The following NRXN1 variants were observed in gnomAD, a reference collection of about 807,000 sequenced individuals.
The protein encoded by NRXN1 is neurexin 1.
Under a neutral mutation model 150.9 loss-of-function variants are expected in NRXN1, and 39 were observed. The ratio of observed to expected loss-of-function variants is 0.26; its 90% confidence interval spans 0.20 to 0.34. The LOEUF (loss-of-function observed/expected upper bound fraction) is 0.34, where lower values mean the gene tolerates loss of function less well. NRXN1 is among the 10% of genes least tolerant of loss of function. The pLI is 1.00. For missense variants in NRXN1, 1,815 were observed against 1,949.9 expected (o/e 0.93, Z 1.30); for synonymous variants, 924 against 757.0 (o/e 1.22, Z -3.62).
chr2:50,935,491 T>G (rs1688396513), intron 2 of NRXN1, among the ~76,000 whole-genome samples: 1 of 152,100 alleles, frequency 6.6e-6, no homozygotes, highest in African/African-American at 2.4e-5. Flanking sequence ...TCTCAGCACT[T>G]CGGGAGGCCA....
At chr2:50,240,946 G>C (rs985680340) in intron 17 of NRXN1, among the ~76,000 whole-genome samples, 6 of 151,566 alleles carry the variant, frequency 4.0e-5, no homozygotes, top group African/African-American at 1.2e-4. Flanking sequence ...TAATATGAAA[G>C]CCTTCAGAAA....
chr2:50,432,470 G>C (rs1287433439), intron 17 of NRXN1: 1 of 152,172 alleles, frequency 6.6e-6, no homozygotes, highest in African/African-American at 2.4e-5. Context: ...GCCCTCCACA[G>C]ATGCTAGTTG....
intron 2 of NRXN1, among the ~76,000 whole-genome samples, chr2:50,937,203 T>C (rs968976859): frequency 6.6e-6 from 1 of 152,198 alleles, no homozygotes; most frequent in African/African-American, 2.4e-5. Flanking sequence ...CTAATACGTA[T>C]TTAATGATGT....
intron 18 of NRXN1, among the ~76,000 whole-genome samples, chr2:50,236,188 G>C (rs2065398549): frequency 6.6e-6 from 1 of 152,040 alleles, no homozygotes; most frequent in African/African-American, 2.4e-5. Flanking sequence ...CAACTTTAGA[G>C]AAAAGAGAAT....
At chr2:50,461,677 C>G (rs1391665697) in intron 17 of NRXN1, among the ~76,000 whole-genome samples, 3 of 151,842 alleles carry the variant, frequency 2.0e-5, no homozygotes, top group Non-Finnish European at 4.4e-5. Context: ...TGGTTACATC[C>G]AAGAGAAATT....
At chr2:50,851,220 C>A (rs1674471207) in intron 5 of NRXN1, among the ~76,000 whole-genome samples, 1 of 151,952 alleles carries the variant, frequency 6.6e-6, no homozygotes, top group Admixed American at 6.6e-5. Flanking sequence ...GGCATTTATT[C>A]CCCCCAAAAG....
At chr2:50,303,699 G>A (rs1378165117) in intron 17 of NRXN1, among the ~76,000 whole-genome samples, 1 of 152,118 alleles carries the variant, frequency 6.6e-6, no homozygotes, top group African/African-American at 2.4e-5. Context: ...AAAATTTATT[G>A]AAAAGCATCC....
At chr2:50,683,327 G>A (rs1032676779) in intron 5 of NRXN1, among the ~76,000 whole-genome samples, 1 of 151,872 alleles carries the variant, frequency 6.6e-6, no homozygotes, top group East Asian at 2.0e-4. Context: ...TAATAAGGGA[G>A]AAGGATTTAA....
intron 15 of NRXN1, among the ~76,000 whole-genome samples, chr2:50,493,686 T>C (rs2091394496): frequency 6.6e-6 from 1 of 152,214 alleles, no homozygotes; most frequent in Non-Finnish European, 1.5e-5. Flanking sequence ...CACCGTGGGA[T>C]GACTGTTGCC....
chr2:50,260,140 T>G (rs1300523716), intron 17 of NRXN1, among the ~76,000 whole-genome samples: 1 of 151,878 alleles, frequency 6.6e-6, no homozygotes. Context: ...ATCTGTATCA[T>G]AACCACTACT....
At chr2:50,257,766 C>T (rs1265335962) in intron 17 of NRXN1, among the ~76,000 whole-genome samples, 5 of 151,740 alleles carry the variant, frequency 3.3e-5, no homozygotes, top group African/African-American at 9.7e-5. Context: ...CGTTAAAGTG[C>T]TACGGAGTAC....
chr2:50,894,104 G>C, intron 5 of NRXN1, among the ~76,000 whole-genome samples: 1 of 151,918 alleles, frequency 6.6e-6, no homozygotes, highest in Non-Finnish European at 1.5e-5. Context: ...TGGGGGGAGG[G>C]GGAAGGGATA....
chr2:50,095,778 A>C (rs569353585), intron 18 of NRXN1, among the ~76,000 whole-genome samples: 1,767 of 145,936 alleles, frequency 0.012, 45 homozygotes, highest in African/African-American at 0.043. Flanking sequence ...TTTTTTTTTT[A>C]ATTTTATATA....
chr2:50,197,889 G>T (rs1260982051), intron 18 of NRXN1, among the ~76,000 whole-genome samples: 2 of 152,112 alleles, frequency 1.3e-5, no homozygotes, highest in Non-Finnish European at 2.9e-5. Context: ...TGCAAGTCAA[G>T]TCACAAAGTT....
chr2:50,558,248 C>G (rs1166689978), intron 8 of NRXN1, among the ~76,000 whole-genome samples: 3 of 152,136 alleles, frequency 2.0e-5, no homozygotes, highest in Non-Finnish European at 4.4e-5. Flanking sequence ...CAATAAATAT[C>G]TGGAGGCACA....
chr2:50,978,956 A>G (rs1696348763), intron 2 of NRXN1, among the ~76,000 whole-genome samples: 4 of 152,140 alleles, frequency 2.6e-5, no homozygotes, highest in Non-Finnish European at 5.9e-5. Context: ...TAAACTTCAT[A>G]GGATGCTGTA....
chr2:50,717,468 A>G (rs974887709), intron 5 of NRXN1, among the ~76,000 whole-genome samples: 1 of 152,152 alleles, frequency 6.6e-6, no homozygotes, highest in Non-Finnish European at 1.5e-5. Flanking sequence ...GTGAATTTTT[A>G]CCATGATTTT....
chr2:51,015,264 G>C (rs1009087811), intron 2 of NRXN1, among the ~76,000 whole-genome samples: 1 of 151,366 alleles, frequency 6.6e-6, no homozygotes, highest in African/African-American at 2.4e-5. Context: ...CTCTCTTCTG[G>C]TCTTCTGTCT....
intron 18 of NRXN1, among the ~76,000 whole-genome samples, chr2:50,198,975 T>G (rs1030382983): frequency 1.3e-5 from 2 of 152,108 alleles, no homozygotes; most frequent in African/African-American, 4.8e-5. Flanking sequence ...TGCCCAAGGA[T>G]AGCATGGTGG....
Sources: gnomAD v4.1 joint callset for allele counts (sites outside exome capture counted in the v4.1 genomes callset) on GRCh38, gnomAD v4.1.1 for gene constraint, MANE v1.5 for transcripts, NCBI Gene and HGNC (gene_info 2026-07-23, HGNC 2026-07-21) for gene names.